Variants in JAK1 observed in about 807,000 individuals in gnomAD.
JAK1 encodes the protein tyrosine-protein kinase JAK1.
Under a neutral mutation model 136.6 loss-of-function variants are expected in JAK1, and 16 were observed. The ratio of observed to expected loss-of-function variants is 0.12; its 90% CI spans 0.08 to 0.18. The LOEUF (loss-of-function observed/expected upper bound fraction) is 0.18. Ranked by LOEUF, JAK1 falls within the 10% of genes least tolerant of loss-of-function variation. The probability of loss-of-function intolerance (pLI) is 1.00; values close to 1 mark genes in which losing one functional copy is unlikely to be tolerated. For synonymous variants in JAK1, 492 were observed against 519.5 expected, an observed-to-expected ratio of 0.95 and a Z score of 0.72; for missense variants, 859 against 1,450.1, an observed-to-expected ratio of 0.59 and a Z score of 6.62.
At chr1:65,039,845 G>C (rs1647113827) in intron 2 of JAK1, among the ~76,000 whole-genome samples, 1 of 152,080 alleles carries the variant, frequency 6.6e-6, no homozygotes. Context: ...CTCTGTATTA[G>C]TTTCCAATAG....
rs553554412 is a variant in JAK1, at chr1:64,907,438, A to G, written c.-77-21097T>C. Among the ~76,000 whole-genome samples the G allele has an allele frequency of 7.4e-4, 112 of 152,316 alleles. No individual in the cohort carries two copies. In the South Asian group the frequency reaches 0.011, roughly 14 times the overall value. On this transcript the variant is annotated intron_variant, in intron 1 of 24. Coordinates refer to ENST00000342505, the MANE Select transcript of JAK1 (RefSeq NM_002227.4). ...CTGGACCCGTTAAAGGCTCTGCCAT[A>G]ATAAATCCTTTCACCTCCCTGAGCC...
chr1:64,941,720 A>G (rs1645892939), intron 1 of JAK1, among the ~76,000 whole-genome samples: 1 of 152,206 alleles, frequency 6.6e-6, no homozygotes, highest in Non-Finnish European at 1.5e-5. Flanking sequence ...CTGGGTCTCA[A>G]AGTCAACTAC....
intron 2 of JAK1, among the ~76,000 whole-genome samples, chr1:65,015,415 T>A (rs1646884637): frequency 6.6e-6 from 1 of 152,114 alleles, no homozygotes; most frequent in Non-Finnish European, 1.5e-5. Context: ...TATAAACATG[T>A]TAGGCTAAAC....
At chr1:64,985,588 GGGCCACCA>G in intron 2 of JAK1, 2 of 1,026,036 alleles carry the variant, frequency 1.9e-6, no homozygotes, top group Non-Finnish European at 3.0e-6. Flanking sequence ...TCAAAGATCT[GGGCCACCA>G]GAATTCCAAC....
Position 64,841,320 on chromosome 1 carries a change from T to G in JAK1, c.2574A>C (p.Glu858Asp). The change falls in exon 19 of 25, where the codon GAA (glutamate) becomes GAC (aspartate). Residue 858 changes from glutamate (E) to aspartate (D), a missense_variant. This residue lies in a region of JAK1 where 409 missense variants were observed against 753.8 expected (regional missense o/e 0.54). Transcript: ENST00000342505. Reference protein sequence around the residue: ...LEEQNPDIVSEKKPATEVDPT... With the variant: ...LEEQNPDIVSDKKPATEVDPT... ...GGTCCACTTCAGTTGCTGGTTTTTT[T>G]TCTGAAACAATATCTGGATCTAACA... 1.2e-6 allele frequency: 2 copies of G among 1,614,148 alleles called. No individual in the cohort carries two copies. Among genetic ancestry groups the G allele is most frequent in the Non-Finnish European group, 1.7e-6 (2 of 1,179,982 alleles).
chr1:65,019,963 C>T (rs551237254), intron 2 of JAK1, among the ~76,000 whole-genome samples: 3 of 151,376 alleles, frequency 2.0e-5, no homozygotes, highest in Non-Finnish European at 2.9e-5. Flanking sequence ...TGGTGGCTCA[C>T]GCCTGTAATC....
At chr1:64,945,587 A>T (rs1293875426) in intron 1 of JAK1, among the ~76,000 whole-genome samples, 1 of 152,036 alleles carries the variant, frequency 6.6e-6, no homozygotes, top group Non-Finnish European at 1.5e-5. Context: ...TATGTACAAT[A>T]AAAAAAAGAA....
chr1:65,053,050 A>AG lies in JAK1; in HGVS notation c.-180-8469_-180-8468insC, dbSNP rs1227539546. Among the ~76,000 whole-genome samples the AG allele has an allele frequency of 6.3e-5, 9 of 143,906 alleles. 2 individuals are homozygous for AG. The highest frequency in any genetic ancestry group is 2.3e-4 in the South Asian group (1 of 4,394). The allele number at this position is 143,906 out of a possible 152,430, so 94.4% of individuals were successfully genotyped here. A position where few individuals can be genotyped will look rare whatever the true frequency, so the allele number is the denominator to read the frequency against. On this transcript the variant is annotated intron_variant, in intron 1 of 25. Coordinates refer to the JAK1 transcript ENST00000671954. Reference sequence around the variant, plus strand: ...TGTCTCAAAAAAAAAAAAAAAAAAAAAAAAAAGACTAGAGGCTGGGCACAG... The same window carrying AG: ...TGTCTCAAAAAAAAAAAAAAAAAAAAGAAAAAAGACTAGAGGCTGGGCACAG...
In JAK1 at chr1:64,989,105, T is replaced by C. The variant is rs60261863; in HGVS notation, c.-78+55375A>G. Among the ~76,000 whole-genome samples, 50 of 147,784 alleles carry C rather than the reference T, an allele frequency of 3.4e-4. 2 individuals are homozygous for C. The East Asian group carries it at 9.8e-3, about 29-fold the overall frequency. On this transcript the variant is annotated intron_variant, in intron 2 of 25. Coordinates refer to the JAK1 transcript ENST00000671954. ...ACTTTGGGAGGCCAAGGTGGGTGGA[T>C]CATGAGGTCAGGAGTTCAAGACCAG...
At chr1:65,015,330 G>GA (rs1646884171) in intron 2 of JAK1, among the ~76,000 whole-genome samples, 1 of 152,030 alleles carries the variant, frequency 6.6e-6, no homozygotes, top group South Asian at 2.1e-4. Context: ...AATGAGGTTG[G>GA]TGTTTAGTTT....
chr1:65,040,639 T>C (rs1569930128), intron 2 of JAK1, among the ~76,000 whole-genome samples: 1 of 147,384 alleles, frequency 6.8e-6, no homozygotes. Flanking sequence ...AGCCCTCACA[T>C]ACACACACAT....
At chr1:65,030,536 ATTT>A (rs34009188) in intron 2 of JAK1, among the ~76,000 whole-genome samples, 1 of 146,038 alleles carries the variant, frequency 6.8e-6, no homozygotes. Flanking sequence ...CCTCCTGACA[ATTT>A]TTTTTTTTTT....
chr1:64,885,791 A>G (rs1644843413), intron 2 of JAK1, among the ~76,000 whole-genome samples: 1 of 152,120 alleles, frequency 6.6e-6, no homozygotes, highest in Non-Finnish European at 1.5e-5. Flanking sequence ...CCAACTGACA[A>G]TGTCCAGTAG....
chr1:64,851,739 AT>A (rs1234281533), intron 11 of JAK1, among the ~76,000 whole-genome samples: 2 of 152,226 alleles, frequency 1.3e-5, no homozygotes, highest in Non-Finnish European at 2.9e-5. Context: ...GACCTTCCAG[AT>A]TCTGACTAGC....
chr1:64,915,552 C>T (rs188255444), intron 1 of JAK1, among the ~76,000 whole-genome samples: 4 of 152,334 alleles, frequency 2.6e-5, no homozygotes, highest in Admixed American at 2.0e-4. Flanking sequence ...AAAGTCTAGA[C>T]CAGCACTGTC....
At chr1:65,056,030 T>C (rs1647519279) in intron 1 of JAK1, among the ~76,000 whole-genome samples, 1 of 152,210 alleles carries the variant, frequency 6.6e-6, no homozygotes, top group South Asian at 2.1e-4. Context: ...CATAACTTCT[T>C]GAAGCACTTT....
intron 19 of JAK1, 66 bp from the exon 20 acceptor site, chr1:64,839,861 G>A: frequency 1.5e-6 from 2 of 1,373,512 alleles, no homozygotes; most frequent in Non-Finnish European, 2.0e-6. Context: ...ACACACAGAA[G>A]TCTTGCTCCT....
At chr1:65,056,393 G>C (rs1039095609) in intron 1 of JAK1, among the ~76,000 whole-genome samples, 1 of 152,196 alleles carries the variant, frequency 6.6e-6, no homozygotes, top group Non-Finnish European at 1.5e-5. Flanking sequence ...GGGTAGAGCA[G>C]AGGGAAGAGA....
chr1:64,922,711 C>A (rs1645515844), intron 1 of JAK1, among the ~76,000 whole-genome samples: 1 of 152,108 alleles, frequency 6.6e-6, no homozygotes, highest in Admixed American at 6.6e-5. Context: ...CAAATGAGAT[C>A]TGCTTTATAA....
Sources: allele counts gnomAD v4.1 joint callset (sites outside exome capture counted in the v4.1 genomes callset), GRCh38; gene constraint gnomAD v4.1.1; regional missense constraint gnomAD v4.1.1; transcripts MANE v1.5; gene names NCBI Gene and HGNC (gene_info 2026-07-23, HGNC 2026-07-21).